Variants in KAZN observed in about 807,000 individuals in gnomAD.
KAZN encodes kazrin, periplakin interacting protein, also known as kazrin.
Under a neutral mutation model 87.4 loss-of-function variants are expected in KAZN, and 40 were observed. The observed-to-expected ratio is 0.46, with a 90% CI of 0.36 to 0.60. KAZN has a LOEUF of 0.60. Among genes scored for constraint, KAZN ranks in the 20% least tolerant of loss-of-function variants. The probability of loss-of-function intolerance (pLI) is 0.00; values close to 1 mark genes in which losing one functional copy is unlikely to be tolerated. For missense variants in KAZN, 898 were observed against 1,073.9 expected, an observed-to-expected ratio of 0.84 and a Z score of 2.29; for synonymous variants, 466 against 458.3, an observed-to-expected ratio of 1.02 and a Z score of -0.22.
At chr1:14,631,114 T>A (rs535598568) in intron 1 of KAZN, among the ~76,000 whole-genome samples, 10 of 152,256 alleles carry the variant, frequency 6.6e-5, no homozygotes, top group Non-Finnish European at 1.5e-4. Flanking sequence ...TCATCCTGTA[T>A]TCACAGTTAC....
intron 1 of KAZN, among the ~76,000 whole-genome samples, chr1:14,140,297 A>G (rs981091087): frequency 6.6e-6 from 1 of 152,124 alleles, no homozygotes; most frequent in African/African-American, 2.4e-5. Flanking sequence ...ATTTGATTCA[A>G]TAAGACACAT....
rs534629360 is a variant in KAZN, at chr1:14,402,397, T to G, written c.250-196586T>G. On this transcript the variant is annotated intron_variant, in intron 2 of 16. Transcript: ENST00000636203. ...TTATTTAATTCTCATGGAAAGTTTA[T>G]GATCTAAGCTATCTAAAAATAACAA... 1.4e-4 allele frequency among the ~76,000 whole-genome samples: 21 copies of G among 152,294 alleles called. 1 individual carries two copies. The South Asian group carries it at 3.5e-3, about 26-fold the overall frequency.
chr1:15,076,292 T>A (rs1176796453), intron 8 of KAZN, among the ~76,000 whole-genome samples: 2 of 152,170 alleles, frequency 1.3e-5, no homozygotes, highest in East Asian at 3.9e-4. Flanking sequence ...TTCACATGTG[T>A]GCAAGAAACA....
At chr1:14,895,415 G>A (rs190795137) in intron 1 of KAZN, among the ~76,000 whole-genome samples, 1 of 152,350 alleles carries the variant, frequency 6.6e-6, no homozygotes, top group East Asian at 1.9e-4. Context: ...AAAGCCGCCA[G>A]ATCAGCAGGC....
intron 2 of KAZN, among the ~76,000 whole-genome samples, chr1:14,964,560 G>A (rs1340898823): frequency 6.6e-6 from 1 of 152,164 alleles, no homozygotes; most frequent in African/African-American, 2.4e-5. Flanking sequence ...CACAGCACAT[G>A]GTGAGTAAAT....
At position 14,720,281 on chromosome 1, in the gene KAZN, T is replaced by C. The variant is rs144219173; in HGVS notation, c.226+121058T>C. ...TTCCTTGCTGTTGAGAACATAGTCA[T>C]GGGGCAAGACTGGGCAGCCCCCTTA... On this transcript the variant is annotated intron_variant, in intron 1 of 14. Transcript: ENST00000376030. 6.6e-5 allele frequency among the ~76,000 whole-genome samples: 10 copies of C among 152,362 alleles called. No individual in the cohort carries two copies. In the East Asian group the frequency reaches 1.9e-3, roughly 29 times the overall value.
At chr1:14,459,259 G>A (rs200197196) in intron 2 of KAZN, among the ~76,000 whole-genome samples, 20 of 119,956 alleles carry the variant, frequency 1.7e-4, no homozygotes, top group East Asian at 1.1e-3. Flanking sequence ...GTGTGTGTGC[G>A]CGTGTGTGTG....
At chr1:14,012,117 G>A (rs1640341963) in intron 1 of KAZN, among the ~76,000 whole-genome samples, 2 of 149,290 alleles carry the variant, frequency 1.3e-5, no homozygotes, top group Non-Finnish European at 3.0e-5. Context: ...CTGACTGTAG[G>A]ACTTTTTTGT....
At chr1:14,689,383 C>T (rs573876647) in intron 1 of KAZN, among the ~76,000 whole-genome samples, 3 of 152,244 alleles carry the variant, frequency 2.0e-5, no homozygotes, top group South Asian at 2.1e-4. Flanking sequence ...TTCTCCCATT[C>T]GCTCCTGATT....
chr1:14,679,849 C>T (rs75294607), intron 1 of KAZN, among the ~76,000 whole-genome samples: 5,089 of 152,226 alleles, frequency 0.033, 112 homozygotes, highest in Middle Eastern at 0.072. Context: ...AATCTCATTC[C>T]TGTCTCGGTC....
intron 1 of KAZN, among the ~76,000 whole-genome samples, chr1:14,052,221 C>T (rs937108581): frequency 5.3e-5 from 8 of 152,216 alleles, no homozygotes; most frequent in African/African-American, 1.9e-4. Flanking sequence ...TAACTCTAAA[C>T]ACCAGATGGA....
chr1:14,228,887 C>G (rs1647540234), intron 2 of KAZN, among the ~76,000 whole-genome samples: 1 of 152,192 alleles, frequency 6.6e-6, no homozygotes, highest in African/African-American at 2.4e-5. Context: ...GGTATCCCAG[C>G]CTTGACCTCC....
chr1:14,498,939 T>A (rs748335170), intron 2 of KAZN, among the ~76,000 whole-genome samples: 1 of 152,058 alleles, frequency 6.6e-6, no homozygotes, highest in Non-Finnish European at 1.5e-5. Flanking sequence ...CTCTTGCCTG[T>A]CCTCGGTGCT....
chr1:14,597,555 A>G (rs1676590576), upstream of KAZN, among the ~76,000 whole-genome samples: 1 of 152,110 alleles, frequency 6.6e-6, no homozygotes, highest in South Asian at 2.1e-4. Flanking sequence ...CACAAGAGAT[A>G]AGAATGCATA....
At position 15,094,545 on chromosome 1, in the gene KAZN, G is replaced by T. The variant is rs541129828; in HGVS notation, c.1428+160G>T. On this transcript the variant is annotated intron_variant, in intron 9 of 14. Coordinates refer to ENST00000376030, the MANE Select transcript of KAZN (RefSeq NM_201628.3). This position sits in a 1 kb window ranked among gnomAD's most constrained non-coding sequence, Gnocchi z 4.5. ...AGCCTCTGATGTACCTGCTCATTGT[G>T]CCTCCCTGGCAAGGCAGAGAGCCCT... is the stretch of plus-strand genomic sequence containing the variant. Among the ~76,000 whole-genome samples the T allele has an allele frequency of 6.6e-6, 1 of 152,172 alleles. No homozygotes were observed. Among genetic ancestry groups the T allele is most frequent in the African/African-American group, 2.4e-5 (1 of 41,452 alleles).
rs548100009 is a variant in KAZN, at chr1:15,043,042, G to A, written c.556-947G>A. 1.2e-4 allele frequency among the ~76,000 whole-genome samples: 18 copies of A among 152,314 alleles called. No homozygotes were observed. The South Asian group carries it at 1.2e-3, about 11-fold the overall frequency. On this transcript the variant is annotated intron_variant, in intron 3 of 14. Coordinates refer to ENST00000376030, the MANE Select transcript of KAZN (RefSeq NM_201628.3). Reference sequence around the variant, plus strand: ...CTCTGCTCTGGGGACTGGCACAGCCGGGGCCTGGCCCTTCCCTGGACAATC... The same window carrying A: ...CTCTGCTCTGGGGACTGGCACAGCCAGGGCCTGGCCCTTCCCTGGACAATC...
chr1:14,464,733 G>A (rs1557738203), intron 2 of KAZN, among the ~76,000 whole-genome samples: 1 of 151,808 alleles, frequency 6.6e-6, no homozygotes, highest in Admixed American at 6.6e-5. Flanking sequence ...TAGAGACAGG[G>A]TTTCACCATA....
intron 2 of KAZN, among the ~76,000 whole-genome samples, chr1:14,188,194 C>CGTGTGTGTGT (rs3033865): frequency 0.027 from 3,729 of 140,074 alleles, 68 homozygotes; most frequent in Admixed American, 0.047. Context: ...GAGAGAGGAG[C>CGTGTGTGTGT]GTGTGTGTGT....
At chr1:14,082,158 C>A (rs926009890) in intron 1 of KAZN, among the ~76,000 whole-genome samples, 2 of 152,160 alleles carry the variant, frequency 1.3e-5, no homozygotes, top group African/African-American at 4.8e-5. Context: ...AGTGGTAAAG[C>A]AGCATCATTC....
Sources: allele counts gnomAD v4.1 joint callset (sites outside exome capture counted in the v4.1 genomes callset), GRCh38; gene constraint gnomAD v4.1.1; non-coding constraint Gnocchi (gnomAD v3.1); transcripts MANE v1.5; gene names NCBI Gene and HGNC (gene_info 2026-07-23, HGNC 2026-07-21).